The following TTC21A variants were observed in gnomAD, a reference collection of about 807,000 sequenced individuals.
TTC21A encodes the protein tetratricopeptide repeat domain 21A.
Under a neutral mutation model 156.4 loss-of-function variants are expected in TTC21A, and 128 were observed. The ratio of observed to expected loss-of-function variants is 0.82; its 90% CI spans 0.71 to 0.95. The LOEUF (loss-of-function observed/expected upper bound fraction) is 0.95. Among genes scored for constraint, TTC21A ranks in the 40% least tolerant of loss-of-function variants. The pLI is 0.00. For missense variants in TTC21A, 1,435 were observed against 1,602.3 expected, an observed-to-expected ratio of 0.90 and a Z score of 1.78; for synonymous variants, 587 against 617.1, an observed-to-expected ratio of 0.95 and a Z score of 0.72.
chr3:39,111,067 A>G (rs1318559451), intron 4 of TTC21A, 50 bp downstream of exon 4: 1 of 1,553,294 alleles, frequency 6.4e-7, no homozygotes. Flanking sequence ...GCATCCAAAC[A>G]CATAATAGCA....
intron 6 of TTC21A, among the ~76,000 whole-genome samples, chr3:39,116,561 G>A (rs562890341): frequency 3.4e-4 from 52 of 150,754 alleles, no homozygotes; most frequent in African/African-American, 1.2e-3. Context: ...CTGCAGCCTC[G>A]AACCCCTGGG....
Position 39,107,769 on chromosome 3 carries a change from A to T in TTC21A, c.-69A>T, listed in dbSNP as rs921829384. ...CGCCCGCCGCGATAGAGTGCCCACG[A>T]CCCTGCCTCGGGAATCCCGCTCTGC... On this transcript the variant is annotated 5_prime_UTR_variant, in exon 1 of 29. Transcript: ENST00000683103. 2 of 1,605,040 alleles carry T rather than the reference A, an allele frequency of 1.2e-6. No individual in the cohort carries two copies. Among genetic ancestry groups the T allele is most frequent in the Non-Finnish European group, 1.7e-6 (2 of 1,175,928 alleles).
At position 39,121,202 on chromosome 3, in the gene TTC21A, G is replaced by A. The variant is rs368573540; in HGVS notation, c.1093+13G>A. On this transcript the variant is annotated intron_variant, in intron 9 of 28. Transcript: ENST00000683103. ...GCTGGTTTGACAGGTATATGCAGGT[G>A]TGGCAGGGCTCAGGGATGGGTGTCG... is the stretch of plus-strand genomic sequence containing the variant. 9 of 1,605,014 alleles carry A rather than the reference G, an allele frequency of 5.6e-6. No homozygotes were observed. Among genetic ancestry groups the A allele is most frequent in the Admixed American group, 1.7e-5 (1 of 59,508 alleles).
chr3:39,119,389 T>G (rs2037550670), intron 7 of TTC21A: 1 of 152,198 alleles, frequency 6.6e-6, no homozygotes, highest in African/African-American at 2.4e-5. Context: ...CTTTCATGTG[T>G]TGGACAGGAA....
At chr3:39,110,758 C>T (rs1475458357) in intron 3 of TTC21A, 93 bp from the exon 4 acceptor site, 15 of 1,412,148 alleles carry the variant, frequency 1.1e-5, no homozygotes, top group Admixed American at 5.8e-5. Context: ...GGGGAGACCC[C>T]GAGGTAGTTC....
intron 12 of TTC21A, 127 bp downstream of exon 12, chr3:39,126,517 CACA>C: frequency 9.9e-7 from 1 of 1,009,776 alleles, no homozygotes; most frequent in Non-Finnish European, 1.5e-6. Context: ...CACACACACA[CACA>C]CTCTCCTTGC....
Position 39,120,140 on chromosome 3 carries a change from C to G in TTC21A, c.900+120C>G, listed in dbSNP as rs2037640775. 48 of 692,508 alleles carry G rather than the reference C, an allele frequency of 6.9e-5. 2 individuals are homozygous for G. The South Asian group carries it at 8.5e-4, about 12-fold the overall frequency. 42.9% of individuals were successfully genotyped at this position (692,508 alleles called of 1,614,324 possible). On this transcript the variant is annotated intron_variant, in intron 8 of 28. Coordinates refer to ENST00000683103, the MANE Select transcript of TTC21A (RefSeq NM_001366900.1). ...CCCCTCCCTTCTGGCTCAAACTTGT[C>G]CTTTAGGGTAGTGGCTCATATCCTG... is the stretch of plus-strand genomic sequence containing the variant.
At position 39,130,438 on chromosome 3, in the gene TTC21A, C is replaced by A; in HGVS notation, c.2319+80C>A. The A allele has an allele frequency of 8.2e-7, 1 of 1,218,980 alleles. No homozygotes were observed. The highest frequency in any genetic ancestry group is 1.2e-6 in the Non-Finnish European group (1 of 868,458). The allele number at this position is 1,218,980 out of a possible 1,614,324, so 75.5% of individuals were successfully genotyped here. On this transcript the variant is annotated intron_variant, in intron 17 of 28. Coordinates refer to ENST00000683103, the MANE Select transcript of TTC21A (RefSeq NM_001366900.1). The surrounding 1 kb of genome is among the most constrained non-coding windows in gnomAD (Gnocchi z 4.5). Reference sequence around the variant, plus strand: ...AGGAGGACGGTACATGACTGGGGAGCTCTGGGTGGGAGGAGAGTGGCTGAC... The same window carrying A: ...AGGAGGACGGTACATGACTGGGGAGATCTGGGTGGGAGGAGAGTGGCTGAC...
At position 39,121,077 on chromosome 3, in the gene TTC21A, T is replaced by C. The variant is rs367889160; in HGVS notation, c.981T>C (p.His327=). The change falls in exon 9 of 29, where the codon CAT becomes CAC. Residue 327 remains histidine, a synonymous_variant. Coordinates refer to ENST00000683103, the MANE Select transcript of TTC21A (RefSeq NM_001366900.1). The part of the protein sequence containing the change: ...RTFMATPSYV[H]VATELGYLFI... ...TCATGGCCACCCCCTCGTATGTCCA[T>C]GTGGCCACAGAACTGGGCTATCTCT... The C allele has an allele frequency of 4.8e-5, 78 of 1,614,134 alleles. 1 individual carries two copies. The Middle Eastern group carries it at 2.1e-3, about 44-fold the overall frequency.
rs369108177 is a variant in TTC21A at position 39,128,389 on chromosome 3, C to T, written c.1581C>T (p.Ser527=). The T allele has an allele frequency of 7.4e-6, 12 of 1,614,100 alleles. No individual in the cohort carries two copies. Among genetic ancestry groups the T allele is most frequent in the Admixed American group, 1.7e-5 (1 of 60,004 alleles). ...LQRCLELDPA[S]VDAHLLMCQI... ...GTTGCCTGGAGCTGGACCCCGCCTC[C>T]GTGGATGCCCATCTCCTCATGTGTC... The change falls in exon 13 of 29, where the codon TCC becomes TCT. Residue 527 remains serine (S), a synonymous_variant. Transcript: ENST00000683103.
At position 39,130,697 on chromosome 3, in the gene TTC21A, T is replaced by G; in HGVS notation, c.2320-4T>G. 1 of 1,614,156 alleles carries G rather than the reference T, an allele frequency of 6.2e-7. No homozygotes were observed. Among genetic ancestry groups the G allele is most frequent in the Non-Finnish European group, 8.5e-7 (1 of 1,180,008 alleles). ...AGAGGCTAATATTTACTGTTTGCAC[T>G]AAGGCAATTGAGTATTATGAGGCTG... On this transcript the variant is annotated splice_polypyrimidine_tract_variant and splice_region_variant and intron_variant, in intron 17 of 28. Coordinates refer to ENST00000683103, the MANE Select transcript of TTC21A (RefSeq NM_001366900.1). This position sits in a 1 kb window ranked among gnomAD's most constrained non-coding sequence, Gnocchi z 4.5.
chr3:39,128,597 C>A, intron 13 of TTC21A, 109 bp downstream of exon 13: 1 of 1,569,464 alleles, frequency 6.4e-7, no homozygotes, highest in South Asian at 1.2e-5. Flanking sequence ...GATCTTTCTG[C>A]TCGTCCAAAG....
rs777094369 is a variant in TTC21A, at chr3:39,121,140, G to A, written c.1044G>A (p.Trp348Ter). The change falls in exon 9 of 29, where the codon TGG becomes TGA. Residue 348 changes from tryptophan to a stop codon, truncating the protein, a stop_gained. Transcript: ENST00000683103. LOFTEE classifies it high-confidence loss of function. ...LKNQVKEALL[W>*]YSEAMKLDKD... ...ACCAAGTGAAAGAGGCCTTGCTGTG[G>A]TATTCAGAAGCCATGAAACTGGACA... 13 of 1,613,970 alleles carry A rather than the reference G, an allele frequency of 8.1e-6. No homozygotes were observed. The highest frequency in any genetic ancestry group is 6.6e-5 in the South Asian group (6 of 91,086).
intron 1 of TTC21A, chr3:39,108,241 C>T: frequency 3.0e-6 from 1 of 335,816 alleles, no homozygotes; most frequent in Non-Finnish European, 5.4e-6. Flanking sequence ...TCTTCTAATC[C>T]TGTCTACAAG....
chr3:39,118,428 G>A, intron 7 of TTC21A: 1 of 524,626 alleles, frequency 1.9e-6, no homozygotes, highest in Non-Finnish European at 3.4e-6. Flanking sequence ...TCCCCACCTG[G>A]ATAAGCCGCA....
intron 3 of TTC21A, 63 bp from the exon 4 acceptor site, chr3:39,110,788 A>G (rs1477544957): frequency 7.5e-6 from 12 of 1,598,572 alleles, no homozygotes; most frequent in African/African-American, 4.0e-5. Context: ...TCGGTGGCCC[A>G]TGCAGAACCA....
Position 39,109,093 on chromosome 3 carries a change from C to A in TTC21A, c.36C>A (p.Ile12=). 6.2e-7 allele frequency: 1 copy of A among 1,613,924 alleles called. No individual in the cohort carries two copies. Among genetic ancestry groups the A allele is most frequent in the Middle Eastern group, 1.7e-4 (1 of 6,058 alleles). ...SSNDSSLMAG[I]IYYSQEKYFH... The stretch of plus-strand genomic sequence containing the variant: ...TGTCTTCCTTCATACAGGCTGGGAT[C>A]ATTTACTATAGCCAGGAAAAGTACT... Residue 12 remains isoleucine (I), a synonymous_variant, in exon 2 of 29, where the codon ATC becomes ATA. Coordinates refer to ENST00000683103, the MANE Select transcript of TTC21A (RefSeq NM_001366900.1).
chr3:39,125,874 C>T (rs1257321297), intron 11 of TTC21A, among the ~76,000 whole-genome samples: 7 of 152,246 alleles, frequency 4.6e-5, no homozygotes, highest in Non-Finnish European at 1.0e-4. Context: ...AATTTGGCTT[C>T]CTTTTCCGCA....
rs1395930258 is a variant in TTC21A, at chr3:39,125,321, C to G, written c.1192-11C>G. On this transcript the variant is annotated splice_polypyrimidine_tract_variant and intron_variant, in intron 10 of 28. Coordinates refer to ENST00000683103, the MANE Select transcript of TTC21A (RefSeq NM_001366900.1). ...GACATTGGCACTGAGACTCGGTCCTCTCTTCCACAGGTGCTAATTTTCCTC... is the reference window on the plus strand; with the variant it reads ...GACATTGGCACTGAGACTCGGTCCTGTCTTCCACAGGTGCTAATTTTCCTC... 1.9e-6 allele frequency: 3 copies of G among 1,613,278 alleles called. No homozygotes were observed. The African/African-American group carries it at 4.0e-5, about 22-fold the overall frequency.
Sources: allele counts gnomAD v4.1 joint callset (sites outside exome capture counted in the v4.1 genomes callset), GRCh38; gene constraint gnomAD v4.1.1; non-coding constraint Gnocchi (gnomAD v3.1); transcripts MANE v1.5; gene names NCBI Gene and HGNC (gene_info 2026-07-23, HGNC 2026-07-21).